The following AGBL4 variants were observed in gnomAD, a reference collection of about 807,000 sequenced individuals.
AGBL4 encodes the protein cytosolic carboxypeptidase 6.
In AGBL4, 58 loss-of-function variants were observed where a neutral mutation model predicts 66.4. The observed-to-expected ratio is 0.87, with a 90% CI of 0.71 to 1.09. The LOEUF (loss-of-function observed/expected upper bound fraction) is 1.09. Ranked by LOEUF, AGBL4 falls within the 50% of genes least tolerant of loss-of-function variation. The pLI, the probability that AGBL4 is intolerant of heterozygous loss-of-function variation, is 0.00. For missense variants in AGBL4, 579 were observed against 631.0 expected, an observed-to-expected ratio of 0.92 and a Z score of 0.88; for synonymous variants, 234 against 222.9, an observed-to-expected ratio of 1.05 and a Z score of -0.44.
At chr1:49,477,178 C>A (rs1451047807) in intron 3 of AGBL4, among the ~76,000 whole-genome samples, 4 of 152,088 alleles carry the variant, frequency 2.6e-5, no homozygotes, top group Admixed American at 2.6e-4. Flanking sequence ...ACTTGGATAG[C>A]TTCACTAGCT....
intron 3 of AGBL4, among the ~76,000 whole-genome samples, chr1:49,694,337 A>G (rs1432342378): frequency 6.6e-6 from 1 of 152,150 alleles, no homozygotes; most frequent in Non-Finnish European, 1.5e-5. Context: ...CCATGAAAAC[A>G]AACATCCTGT....
chr1:49,372,595 TTTTC>T (rs1235304970), intron 3 of AGBL4, among the ~76,000 whole-genome samples: 2 of 149,974 alleles, frequency 1.3e-5, no homozygotes, highest in African/African-American at 2.4e-5. Flanking sequence ...TCTTTCTTTC[TTTTC>T]TTTTTCTTTT....
chr1:49,997,462 G>C (rs904956490), intron 1 of AGBL4, among the ~76,000 whole-genome samples: 64 of 151,980 alleles, frequency 4.2e-4, no homozygotes, highest in African/African-American at 1.5e-3. Context: ...AAGACAAAGA[G>C]GGACATTATA....
At chr1:48,860,898 A>T (rs920205633) in intron 6 of AGBL4, among the ~76,000 whole-genome samples, 1 of 152,222 alleles carries the variant, frequency 6.6e-6, no homozygotes, top group African/African-American at 2.4e-5. Context: ...TAAAAATGAT[A>T]CTAAACAAAA....
intron 1 of AGBL4, among the ~76,000 whole-genome samples, chr1:49,858,611 A>G (rs1646490296): frequency 6.6e-6 from 1 of 152,198 alleles, no homozygotes; most frequent in African/African-American, 2.4e-5. Context: ...TGTAGACTTA[A>G]GACCAAGAAC....
intron 2 of AGBL4, among the ~76,000 whole-genome samples, chr1:49,711,140 T>C (rs1647634428): frequency 2.0e-5 from 3 of 152,088 alleles, no homozygotes; most frequent in Admixed American, 1.3e-4. Context: ...TTTCATACGT[T>C]TCCAGTGAAA....
chr1:49,923,130 A>G (rs1007346092), intron 1 of AGBL4, among the ~76,000 whole-genome samples: 1 of 152,164 alleles, frequency 6.6e-6, no homozygotes, highest in Non-Finnish European at 1.5e-5. Context: ...ACATAGTCCA[A>G]TGGAACAAAA....
chr1:49,673,222 T>C (rs150781250), intron 3 of AGBL4, among the ~76,000 whole-genome samples: 214 of 152,306 alleles, frequency 1.4e-3, no homozygotes, highest in Non-Finnish European at 2.2e-3. Context: ...AAGGACTTTT[T>C]TCAAAAATCA....
chr1:49,029,003 A>G (rs538323955), intron 5 of AGBL4, among the ~76,000 whole-genome samples: 1 of 152,182 alleles, frequency 6.6e-6, no homozygotes, highest in Non-Finnish European at 1.5e-5. Flanking sequence ...ATTTGATACA[A>G]TCCAACACCC....
At chr1:49,709,220 C>A (rs917122138) in intron 2 of AGBL4, among the ~76,000 whole-genome samples, 39 of 152,220 alleles carry the variant, frequency 2.6e-4, no homozygotes, top group African/African-American at 9.2e-4. Flanking sequence ...AAGCCCCCGA[C>A]TGGGGCTGCT....
intron 3 of AGBL4, among the ~76,000 whole-genome samples, chr1:49,364,371 T>C (rs1644201865): frequency 6.6e-6 from 1 of 152,184 alleles, no homozygotes; most frequent in Non-Finnish European, 1.5e-5. Flanking sequence ...TAATCCTCAA[T>C]TATTTAATCT....
chr1:49,346,352 G>A (rs978002984), intron 3 of AGBL4, among the ~76,000 whole-genome samples: 4 of 152,184 alleles, frequency 2.6e-5, no homozygotes, highest in South Asian at 2.1e-4. Context: ...GGGATAAGTA[G>A]CATAAAATAT....
At chr1:49,783,415 A>C (rs1571557251) in intron 2 of AGBL4, among the ~76,000 whole-genome samples, 1 of 152,188 alleles carries the variant, frequency 6.6e-6, no homozygotes, top group Admixed American at 6.5e-5. Context: ...GGACAAAAAA[A>C]ATCAAATGGT....
At chr1:49,671,503 G>C (rs914092197) in intron 3 of AGBL4, among the ~76,000 whole-genome samples, 1 of 152,114 alleles carries the variant, frequency 6.6e-6, no homozygotes, top group Non-Finnish European at 1.5e-5. Context: ...TTAAATGTAA[G>C]AGCTTCTGTA....
chr1:49,108,867 G>A (rs1645350009), intron 4 of AGBL4, among the ~76,000 whole-genome samples: 1 of 152,102 alleles, frequency 6.6e-6, no homozygotes, highest in African/African-American at 2.4e-5. Context: ...GGTCCAGTAG[G>A]TATGGCAAAG....
chr1:50,005,367 A>G (rs1289932094), intron 1 of AGBL4, among the ~76,000 whole-genome samples: 1 of 152,186 alleles, frequency 6.6e-6, no homozygotes, highest in African/African-American at 2.4e-5. Context: ...AAATTCTTCC[A>G]GATTTTATCC....
rs535750244 is a variant in AGBL4 at position 49,706,506 on chromosome 1, C to T, written c.158-9069G>A. Among the ~76,000 whole-genome samples, 4 of 152,056 alleles carry T rather than the reference C, an allele frequency of 2.6e-5. No individual in the cohort carries two copies. The South Asian group carries it at 8.3e-4, about 32-fold the overall frequency. On this transcript the variant is annotated intron_variant, in intron 2 of 13. Coordinates refer to ENST00000371839, the MANE Select transcript of AGBL4 (RefSeq NM_032785.4). ...AATCTTTTCAAAAAACCAGCTACTA[C>T]ATTCATTGATTTTTTGAAGGGTTTT... is the stretch of plus-strand genomic sequence containing the variant.
chr1:48,530,296 A>G (rs1208800686), downstream of AGBL4, among the ~76,000 whole-genome samples: 3 of 152,238 alleles, frequency 2.0e-5, no homozygotes, highest in African/African-American at 7.2e-5. Flanking sequence ...TGAATAAGGC[A>G]ATGGATACAA....
intron 1 of AGBL4, among the ~76,000 whole-genome samples, chr1:50,019,015 C>G (rs1313207417): frequency 1.3e-5 from 2 of 151,936 alleles, no homozygotes; most frequent in Admixed American, 1.3e-4. Context: ...TTATGTGACT[C>G]TGTTTATAAT....
Sources: gnomAD v4.1 joint callset for allele counts (sites outside exome capture counted in the v4.1 genomes callset) on GRCh38, gnomAD v4.1.1 for gene constraint, MANE v1.5 for transcripts, NCBI Gene and HGNC (gene_info 2026-07-23, HGNC 2026-07-21) for gene names.